STIM1: variants seen among roughly 807,000 people sequenced by gnomAD.
STIM1 encodes the protein stromal interaction molecule 1.
STIM1 carries 25 observed loss-of-function variants against 74.7 expected under a neutral mutation model. The ratio of observed to expected loss-of-function variants is 0.33; its 90% CI spans 0.24 to 0.47. The LOEUF is 0.47. Ranked by LOEUF, STIM1 falls within the 20% of genes least tolerant of loss-of-function variation. The pLI is 1.00. For synonymous variants in STIM1, 328 were observed against 348.8 expected (o/e 0.94, Z 0.66); for missense variants, 728 against 920.8 (o/e 0.79, Z 2.71).
At chr11:3,883,033 G>A (rs1249686516) in intron 1 of STIM1, among the ~76,000 whole-genome samples, 1 of 151,058 alleles carries the variant, frequency 6.6e-6, no homozygotes, top group African/African-American at 2.4e-5. Flanking sequence ...TTTTGTTATT[G>A]TAAGAGTTCT....
chr11:3,983,668 C>G (rs1384045012), intron 2 of STIM1, among the ~76,000 whole-genome samples: 1 of 152,118 alleles, frequency 6.6e-6, no homozygotes, highest in Non-Finnish European at 1.5e-5. Context: ...ACCTTGTGCT[C>G]AGGGCCTCTC....
intron 1 of STIM1, among the ~76,000 whole-genome samples, chr11:3,879,581 G>C (rs2091425814): frequency 6.6e-6 from 1 of 152,178 alleles, no homozygotes; most frequent in East Asian, 1.9e-4. Context: ...CATGCCCACA[G>C]CTGCTCTGTG....
At chr11:3,886,238 C>T (rs566947966) in intron 1 of STIM1, among the ~76,000 whole-genome samples, 12 of 152,144 alleles carry the variant, frequency 7.9e-5, no homozygotes, top group Admixed American at 3.3e-4. Context: ...TAGAGAAAGA[C>T]GGATAACCTA....
intron 4 of STIM1, 143 bp downstream of exon 4, chr11:4,055,780 G>A (rs2094284456): frequency 1.6e-6 from 1 of 620,344 alleles, no homozygotes; most frequent in Non-Finnish European, 2.9e-6. Flanking sequence ...TCTCACATCT[G>A]TTGTGCACTT....
At chr11:4,082,388 T>G in intron 8 of STIM1, 37 bp downstream of exon 8, 1 of 1,573,424 alleles carries the variant, frequency 6.4e-7, no homozygotes, top group Non-Finnish European at 8.6e-7. Context: ...TTTTCTCCTT[T>G]TTGCCCTTCT....
At chr11:3,914,006 T>C (rs1297587895) in intron 1 of STIM1, among the ~76,000 whole-genome samples, 3 of 152,322 alleles carry the variant, frequency 2.0e-5, no homozygotes, top group African/African-American at 4.8e-5. Flanking sequence ...TTTTATTCAT[T>C]GATAAGTATA....
intron 1 of STIM1, among the ~76,000 whole-genome samples, chr11:3,896,050 G>A (rs1013915857): frequency 2.1e-4 from 31 of 151,106 alleles, no homozygotes; most frequent in African/African-American, 7.1e-4. Flanking sequence ...GACTACAGGC[G>A]CCCACCACCA....
chr11:3,908,847 C>T (rs768142849), intron 1 of STIM1, among the ~76,000 whole-genome samples: 4 of 152,112 alleles, frequency 2.6e-5, no homozygotes, highest in Non-Finnish European at 5.9e-5. Flanking sequence ...CACTTGGGAG[C>T]AAGCTGATAT....
intron 2 of STIM1, among the ~76,000 whole-genome samples, chr11:3,977,760 AT>A (rs1055831937): frequency 2.7e-5 from 4 of 150,484 alleles, no homozygotes; most frequent in Admixed American, 6.6e-5. Flanking sequence ...CTGAGCCTTG[AT>A]TTTTTTTTTA....
chr11:3,870,349 G>T (rs1352720064), intron 1 of STIM1, among the ~76,000 whole-genome samples: 1 of 152,122 alleles, frequency 6.6e-6, no homozygotes, highest in Non-Finnish European at 1.5e-5. Context: ...GATCTTGCCA[G>T]TTTTCTGTTT....
chr11:3,970,951 A>C (rs2093386970), intron 2 of STIM1, among the ~76,000 whole-genome samples: 1 of 152,232 alleles, frequency 6.6e-6, no homozygotes, highest in Non-Finnish European at 1.5e-5. Context: ...GTAACTTTAC[A>C]AATAATGGAA....
intron 2 of STIM1, among the ~76,000 whole-genome samples, chr11:3,978,134 C>CATAT (rs2093466434): frequency 6.6e-6 from 1 of 151,246 alleles, no homozygotes; most frequent in Non-Finnish European, 1.5e-5. Context: ...CAGCCTCCTA[C>CATAT]ATATGCCTGT....
At chr11:3,934,187 A>G (rs1461649868) in intron 1 of STIM1, among the ~76,000 whole-genome samples, 1 of 151,088 alleles carries the variant, frequency 6.6e-6, no homozygotes, top group East Asian at 1.9e-4. Context: ...GAAGTGTAAC[A>G]TGTTTTTGTG....
chr11:4,053,740 AAAAG>A (rs961084044), intron 3 of STIM1, among the ~76,000 whole-genome samples: 9 of 152,300 alleles, frequency 5.9e-5, no homozygotes, highest in South Asian at 4.1e-4. Context: ...TAAAATAAAA[AAAAG>A]AAAGAAAGAA....
intron 2 of STIM1, among the ~76,000 whole-genome samples, chr11:3,984,269 T>A (rs2093536923): frequency 6.6e-6 from 1 of 152,216 alleles, no homozygotes; most frequent in African/African-American, 2.4e-5. Flanking sequence ...GACTTCAGTT[T>A]GGAGGCACTG....
chr11:3,924,807 C>G (rs1250437990), intron 1 of STIM1, among the ~76,000 whole-genome samples: 1 of 152,024 alleles, frequency 6.6e-6, no homozygotes, highest in Non-Finnish European at 1.5e-5. Flanking sequence ...ACTTTATTTT[C>G]TATCATTTTA....
intron 1 of STIM1, among the ~76,000 whole-genome samples, chr11:3,870,148 A>G (rs74050927): frequency 0.023 from 3,446 of 152,288 alleles, 132 homozygotes; most frequent in African/African-American, 0.077. Context: ...ACATTTTACA[A>G]ATGAGTTTTC....
At chr11:3,910,747 C>T (rs144544848) in intron 1 of STIM1, among the ~76,000 whole-genome samples, 115 of 151,240 alleles carry the variant, frequency 7.6e-4, no homozygotes, top group Middle Eastern at 3.4e-3. Context: ...TTTGGGAGGC[C>T]GAAGTGGGCG....
At chr11:4,041,509 T>C (rs2094146971) in intron 3 of STIM1, among the ~76,000 whole-genome samples, 1 of 152,144 alleles carries the variant, frequency 6.6e-6, no homozygotes, top group African/African-American at 2.4e-5. Context: ...GTGAAAAAAA[T>C]GAGGCACAAA....
Sources: gnomAD v4.1 joint callset for allele counts (sites outside exome capture counted in the v4.1 genomes callset) on GRCh38, gnomAD v4.1.1 for gene constraint, MANE v1.5 for transcripts, NCBI Gene and HGNC (gene_info 2026-07-23, HGNC 2026-07-21) for gene names.